EEF2K: variants seen among roughly 807,000 people sequenced by gnomAD.
The protein encoded by EEF2K is alternative protein EEF2K.
Under a neutral mutation model 93.8 loss-of-function variants are expected in EEF2K, and 70 were observed. The observed-to-expected ratio is 0.75, with a 90% confidence interval of 0.62 to 0.91. EEF2K has a LOEUF of 0.91. Ranked by LOEUF, EEF2K falls within the 40% of genes least tolerant of loss-of-function variation. EEF2K has a pLI of 0.00. For missense variants in EEF2K, 935 were observed against 972.9 expected, an observed-to-expected ratio of 0.96 and a Z score of 0.52; for synonymous variants, 376 against 380.8, an observed-to-expected ratio of 0.99 and a Z score of 0.15.
At position 22,251,316 on chromosome 16, in the gene EEF2K, C is replaced by G. The variant is rs1366347706; in HGVS notation, c.612C>G (p.Pro204=). 1.9e-6 allele frequency: 3 copies of G among 1,613,780 alleles called. No homozygotes were observed. The highest frequency in any genetic ancestry group is 2.5e-6 in the Non-Finnish European group (3 of 1,179,914). Residue 204 remains proline, a synonymous_variant, in exon 6 of 18, where the codon CCC becomes CCG. Transcript: ENST00000263026. ...AGGAGTATAATCGGCACAAGCCCCC[C>G]AAGCAGGTGCGTGGCCCCACTACCT... ...WGEEYNRHKP[P]KQVDIMQMCI...
At chr16:22,253,015 G>A (rs936038848) in intron 6 of EEF2K, among the ~76,000 whole-genome samples, 1 of 152,186 alleles carries the variant, frequency 6.6e-6, no homozygotes, top group Non-Finnish European at 1.5e-5. Context: ...TGGGGACACA[G>A]CCAAACCATA....
intron 1 of EEF2K, among the ~76,000 whole-genome samples, chr16:22,219,151 A>G (rs977004395): frequency 6.6e-6 from 1 of 152,142 alleles, no homozygotes; most frequent in African/African-American, 2.4e-5. Flanking sequence ...GCCTGGTGTT[A>G]GAACAGGCCT....
intron 15 of EEF2K, among the ~76,000 whole-genome samples, chr16:22,268,018 T>C (rs916495427): frequency 2.6e-5 from 4 of 152,098 alleles, no homozygotes; most frequent in African/African-American, 9.7e-5. Context: ...TCATTGTGGG[T>C]GCAGGACATC....
chr16:22,270,957 C>A, intron 15 of EEF2K, among the ~76,000 whole-genome samples: 1 of 147,732 alleles, frequency 6.8e-6, no homozygotes. Context: ...TATATATATA[C>A]ATATTTTGTT....
In EEF2K at chr16:22,256,737, C is replaced by T. The variant is rs1219773521; in HGVS notation, c.619-11C>T. On this transcript the variant is annotated splice_polypyrimidine_tract_variant and intron_variant, in intron 6 of 17. Transcript: ENST00000263026. ...GGCCCTCCCGCCTGAGCCCACTCCC[C>T]ATCCCACCAGGTGGACATCATGCAG... 1 of 1,613,010 alleles carries T rather than the reference C, an allele frequency of 6.2e-7. No homozygotes were observed. The highest frequency in any genetic ancestry group is 1.7e-5 in the Admixed American group (1 of 59,928).
chr16:22,226,292 C>G (rs1182262303), intron 2 of EEF2K, among the ~76,000 whole-genome samples: 1 of 139,866 alleles, frequency 7.1e-6, no homozygotes, highest in Non-Finnish European at 1.5e-5. Context: ...GAGTTCTCCT[C>G]TGTCACCCAG....
chr16:22,283,328 A>AAAAAAG (rs2047715533), intron 17 of EEF2K, among the ~76,000 whole-genome samples: 1 of 142,980 alleles, frequency 7.0e-6, no homozygotes, highest in African/African-American at 2.8e-5. Context: ...AAAAAAAAAA[A>AAAAAAG]AAGAAGAAGA....
intron 2 of EEF2K, among the ~76,000 whole-genome samples, chr16:22,233,071 CCT>C (rs1223262291): frequency 6.6e-6 from 1 of 152,138 alleles, no homozygotes; most frequent in African/African-American, 2.4e-5. Flanking sequence ...AGGGGGCCGC[CCT>C]CTCCATAGAA....
rs1221847731 is a variant in EEF2K, at chr16:22,287,617, G to A, written c.*3621G>A. The A allele has an allele frequency of 6.6e-6, 1 of 152,140 alleles. No individual in the cohort carries two copies. Among genetic ancestry groups the A allele is most frequent in the Non-Finnish European group, 1.5e-5 (1 of 68,038 alleles). 9.4% of individuals were successfully genotyped at this position (152,140 alleles called of 1,614,324 possible). On this transcript the variant is annotated 3_prime_UTR_variant, in exon 18 of 18. Coordinates refer to ENST00000263026, the MANE Select transcript of EEF2K (RefSeq NM_013302.5). ...TCTTGGGAATAAAATTTAAACTGGA[G>A]TTTAATGGCCCTTTCAGTTTTGCTA...
chr16:22,216,609 G>C (rs545257487), intron 1 of EEF2K, among the ~76,000 whole-genome samples: 2 of 152,286 alleles, frequency 1.3e-5, no homozygotes, highest in East Asian at 3.9e-4. Context: ...AAAGGAACCA[G>C]ATGGCTGGGC....
chr16:22,214,124 G>T (rs1299032249), intron 1 of EEF2K, among the ~76,000 whole-genome samples: 2 of 152,152 alleles, frequency 1.3e-5, no homozygotes, highest in Non-Finnish European at 2.9e-5. Context: ...GGACATAACA[G>T]CAGCTAGTAC....
rs546439795 is a variant in EEF2K, at chr16:22,275,902, A to G, written c.1889+2152A>G. On this transcript the variant is annotated intron_variant, in intron 16 of 17. Coordinates refer to ENST00000263026, the MANE Select transcript of EEF2K (RefSeq NM_013302.5). ...GTAATCCTGCCTGCCTCAGCCTCCC[A>G]AAGTGCTGGGATTACAGATGTGAGC... 1.4e-4 allele frequency among the ~76,000 whole-genome samples: 21 copies of G among 152,078 alleles called. No homozygotes were observed. The East Asian group carries it at 2.9e-3, about 21-fold the overall frequency.
At position 22,257,535 on chromosome 16, in the gene EEF2K, A is replaced by G. The variant is rs2047415397; in HGVS notation, c.902-108A>G. On this transcript the variant is annotated intron_variant, in intron 8 of 17. Coordinates refer to ENST00000263026, the MANE Select transcript of EEF2K (RefSeq NM_013302.5). ...GGAGCCTGGATGTCTGATGCCTCCC[A>G]GCTTGGCACGTTTTATACCTGCCCT... The G allele has an allele frequency of 5.2e-6, 8 of 1,550,026 alleles. No individual in the cohort carries two copies. In the Admixed American group the frequency reaches 9.4e-5, roughly 18 times the overall value.
intron 10 of EEF2K, chr16:22,258,917 T>C (rs1368107950): frequency 1.6e-5 from 8 of 513,332 alleles, no homozygotes; most frequent in Admixed American, 3.9e-5. Flanking sequence ...CTTTTATCAG[T>C]GTGTTTTATG....
chr16:22,222,069 C>CA (rs2047018299), intron 1 of EEF2K, among the ~76,000 whole-genome samples: 3 of 151,772 alleles, frequency 2.0e-5, no homozygotes, highest in East Asian at 1.9e-4. Context: ...GACTCTATCT[C>CA]AAAAAAAATT....
intron 1 of EEF2K, among the ~76,000 whole-genome samples, chr16:22,208,626 G>A (rs2046886589): frequency 6.6e-6 from 1 of 152,004 alleles, no homozygotes; most frequent in South Asian, 2.1e-4. Context: ...GGCTGGGTGT[G>A]GTAGCTCACA....
chr16:22,259,019 C>CA (rs11310612), intron 10 of EEF2K, among the ~76,000 whole-genome samples: 72 of 148,038 alleles, frequency 4.9e-4, no homozygotes, highest in East Asian at 2.0e-3. Context: ...GTATAGAGAA[C>CA]AAAAAAAAAA....
chr16:22,252,225 G>A (rs955844493), intron 6 of EEF2K, among the ~76,000 whole-genome samples: 6 of 152,174 alleles, frequency 3.9e-5, no homozygotes, highest in Non-Finnish European at 7.3e-5. Context: ...AATCCGAAAA[G>A]GGAATTCATT....
intron 6 of EEF2K, among the ~76,000 whole-genome samples, chr16:22,255,209 T>C (rs974903090): frequency 2.6e-5 from 4 of 152,170 alleles, no homozygotes; most frequent in African/African-American, 9.7e-5. Context: ...GTTCCCAAAT[T>C]CACAGTTTTA....
Sources: allele counts gnomAD v4.1 joint callset (sites outside exome capture counted in the v4.1 genomes callset), GRCh38; gene constraint gnomAD v4.1.1; transcripts MANE v1.5; gene names NCBI Gene and HGNC (gene_info 2026-07-23, HGNC 2026-07-21).